Variants in NAV3 observed in about 807,000 individuals in gnomAD.
NAV3 encodes neuron navigator 3.
In NAV3, 87 loss-of-function variants were observed where a neutral mutation model predicts 244.7. The observed-to-expected ratio is 0.36, with a 90% CI of 0.30 to 0.42. The LOEUF (loss-of-function observed/expected upper bound fraction) is 0.42, where lower values mean the gene tolerates loss of function less well. Ranked by LOEUF, NAV3 falls within the 20% of genes least tolerant of loss-of-function variation. NAV3 has a pLI of 1.00. For missense variants in NAV3, 2,663 were observed against 2,893.3 expected (o/e 0.92, Z 1.83); for synonymous variants, 1,126 against 1,042.2 (o/e 1.08, Z -1.55).
intron 2 of NAV3, among the ~76,000 whole-genome samples, chr12:77,654,975 A>G (rs1427426996): frequency 6.6e-6 from 1 of 151,940 alleles, no homozygotes; most frequent in African/African-American, 2.4e-5. Context: ...CCATCATCAA[A>G]GACCAAAAGT....
rs928997988 is a variant in NAV3 at position 78,064,198 on chromosome 12, A to G, written c.2636+5083A>G. Among the ~76,000 whole-genome samples, 6 of 152,262 alleles carry G rather than the reference A, an allele frequency of 3.9e-5. No individual in the cohort carries two copies. In the South Asian group the frequency reaches 1.0e-3, roughly 26 times the overall value. ...ATGTGTATGATAATCCTTGGCTGTC[A>G]TAACTAAATACCACAGACTGAGTGG... On this transcript the variant is annotated intron_variant, in intron 12 of 39. Coordinates refer to ENST00000397909, the MANE Select transcript of NAV3 (RefSeq NM_001024383.2).
chr12:78,058,534 G>A (rs1417875232), intron 11 of NAV3, among the ~76,000 whole-genome samples: 1 of 152,116 alleles, frequency 6.6e-6, no homozygotes, highest in Non-Finnish European at 1.5e-5. Flanking sequence ...GACAGCAGCT[G>A]ATATGAGGTA....
chr12:77,701,625 A>C lies in NAV3; in HGVS notation c.72+129359A>C, dbSNP rs569127313. Among the ~76,000 whole-genome samples the C allele has an allele frequency of 3.9e-5, 6 of 151,992 alleles. No individual in the cohort carries two copies. The East Asian group carries it at 7.7e-4, about 20-fold the overall frequency. On this transcript the variant is annotated intron_variant, in intron 2 of 8. Coordinates refer to the NAV3 transcript ENST00000550042. Reference sequence around the variant, plus strand: ...TCTAATATAAGCATTTGAATGTATAAATTTTCCATAAACGCTATTTGAACT... The same window carrying C: ...TCTAATATAAGCATTTGAATGTATACATTTTCCATAAACGCTATTTGAACT...
chr12:77,972,030 T>C (rs1430555943), intron 5 of NAV3, among the ~76,000 whole-genome samples: 1 of 152,160 alleles, frequency 6.6e-6, no homozygotes, highest in Non-Finnish European at 1.5e-5. Context: ...GATTTAAAGG[T>C]TAACAAGTGA....
At chr12:78,181,122 CT>C in intron 30 of NAV3, 77 bp downstream of exon 30, 1 of 1,309,892 alleles carries the variant, frequency 7.6e-7, no homozygotes, top group Non-Finnish European at 1.1e-6. Flanking sequence ...ATTTGGAGAA[CT>C]TTACGTACTC....
chr12:78,096,345 C>A (rs1954250585), intron 12 of NAV3, among the ~76,000 whole-genome samples: 1 of 152,146 alleles, frequency 6.6e-6, no homozygotes, highest in Non-Finnish European at 1.5e-5. Context: ...TTTGTTCTCA[C>A]CAGCTCCTGG....
intron 3 of NAV3, among the ~76,000 whole-genome samples, chr12:77,948,937 T>G (rs536847794): frequency 3.3e-5 from 5 of 152,022 alleles, no homozygotes; most frequent in Non-Finnish European, 7.4e-5. Flanking sequence ...TGTAATCATA[T>G]GCAAAATTTA....
intron 5 of NAV3, among the ~76,000 whole-genome samples, chr12:77,977,108 C>T (rs1352077189): frequency 6.6e-6 from 1 of 152,056 alleles, no homozygotes; most frequent in Non-Finnish European, 1.5e-5. Context: ...TGTTTCTATC[C>T]ATTATTTACA....
At chr12:78,014,327 G>C (rs1310315615) in intron 8 of NAV3, among the ~76,000 whole-genome samples, 3 of 151,970 alleles carry the variant, frequency 2.0e-5, no homozygotes, top group Admixed American at 2.0e-4. Flanking sequence ...GCAGAATCAG[G>C]GTTTTGAGCA....
intron 2 of NAV3, among the ~76,000 whole-genome samples, chr12:77,590,228 G>T (rs111645598): frequency 1.3e-5 from 2 of 152,170 alleles, no homozygotes; most frequent in Non-Finnish European, 2.9e-5. Flanking sequence ...ACAGAACTTG[G>T]ATGGGTGGAG....
At chr12:77,785,029 C>A (rs1031554267) in intron 2 of NAV3, among the ~76,000 whole-genome samples, 1 of 152,096 alleles carries the variant, frequency 6.6e-6, no homozygotes, top group Non-Finnish European at 1.5e-5. Context: ...GGAATCTTAG[C>A]ATTAAGCCGC....
intron 2 of NAV3, among the ~76,000 whole-genome samples, chr12:77,666,185 T>G (rs1299020175): frequency 6.7e-6 from 1 of 150,294 alleles, no homozygotes; most frequent in South Asian, 2.1e-4. Context: ...TACAGTTTTT[T>G]TTTTTTTTTT....
At chr12:78,165,988 G>A (rs1957766235) in intron 23 of NAV3, among the ~76,000 whole-genome samples, 1 of 148,996 alleles carries the variant, frequency 6.7e-6, no homozygotes, top group Non-Finnish European at 1.5e-5. Flanking sequence ...AAATACGTAT[G>A]CAATAAAGTT....
chr12:78,027,135 A>G (rs980294965), intron 9 of NAV3, among the ~76,000 whole-genome samples: 1 of 152,162 alleles, frequency 6.6e-6, no homozygotes, highest in Non-Finnish European at 1.5e-5. Flanking sequence ...TTAAGACAGC[A>G]CATTAGAAAA....
chr12:77,722,699 T>C (rs1592618650), intron 2 of NAV3, among the ~76,000 whole-genome samples: 1 of 152,180 alleles, frequency 6.6e-6, no homozygotes, highest in Admixed American at 6.6e-5. Flanking sequence ...ATGCTTTGTT[T>C]ATATAGGGAA....
chr12:78,199,288 T>G, intron 36 of NAV3, 47 bp from the exon 37 acceptor site: 2 of 1,326,948 alleles, frequency 1.5e-6, no homozygotes, highest in Non-Finnish European at 2.1e-6. Context: ...ACTGTGAATG[T>G]AAAATTTAAT....
rs117744338 is a variant in NAV3 at position 78,018,392 on chromosome 12, T to A, written c.1908-3355T>A. 4.1e-3 allele frequency among the ~76,000 whole-genome samples: 623 copies of A among 152,312 alleles called. 5 individuals carry two copies. The highest frequency in any genetic ancestry group is 7.3e-3 in the Admixed American group (112 of 15,288). ...AGGAAGATAGCTGTAAGTCAGCTTC[T>A]GAAGAATTCTTTTTAAGAGCTGTTT... On this transcript the variant is annotated intron_variant, in intron 8 of 39. Coordinates refer to ENST00000397909, the MANE Select transcript of NAV3 (RefSeq NM_001024383.2).
chr12:78,200,760 T>C (rs989736376), intron 38 of NAV3, among the ~76,000 whole-genome samples, 169 bp downstream of exon 38: 2 of 152,068 alleles, frequency 1.3e-5, no homozygotes, highest in Admixed American at 6.6e-5. Flanking sequence ...ATATTTTGCC[T>C]GTTCTGAGAA....
chr12:77,731,980 G>A (rs1402104433), intron 2 of NAV3, among the ~76,000 whole-genome samples: 1 of 151,806 alleles, frequency 6.6e-6, no homozygotes, highest in Non-Finnish European at 1.5e-5. Flanking sequence ...AGCTCGAATA[G>A]GTTTATAGGC....
Sources: allele counts gnomAD v4.1 joint callset (sites outside exome capture counted in the v4.1 genomes callset), GRCh38; gene constraint gnomAD v4.1.1; transcripts MANE v1.5; gene names NCBI Gene and HGNC (gene_info 2026-07-23, HGNC 2026-07-21).